The following ALG1L2 variants were observed in gnomAD, a reference collection of about 807,000 sequenced individuals.
ALG1L2 encodes ALG1 chitobiosyldiphosphodolichol beta-mannosyltransferase like 2.
ALG1L2 carries 32 observed loss-of-function variants against 29.0 expected under a neutral mutation model. The ratio of observed to expected loss-of-function variants is 1.10; its 90% CI spans 0.83 to 1.48. The LOEUF (loss-of-function observed/expected upper bound fraction) is 1.48, where lower values mean the gene tolerates loss of function less well. Among genes scored for constraint, ALG1L2 ranks in the 40% most tolerant of loss-of-function variants. ALG1L2 has a pLI of 0.00. For missense variants in ALG1L2, 318 were observed against 274.1 expected, an observed-to-expected ratio of 1.16 and a Z score of -1.13; for synonymous variants, 110 against 109.5, an observed-to-expected ratio of 1.00 and a Z score of -0.03.
intron 4 of ALG1L2, 78 bp from the exon 5 acceptor site, chr3:130,094,325 G>T (rs564038299): frequency 1.6e-5 from 24 of 1,525,102 alleles, no homozygotes; most frequent in Admixed American, 1.0e-4. Flanking sequence ...TCCCTCCTAG[G>T]GGGGAGTGTC....
chr3:130,095,411 TA>T (rs1450285967), intron 5 of ALG1L2, among the ~76,000 whole-genome samples: 13 of 15,990 alleles, frequency 8.1e-4, no homozygotes, highest in East Asian at 2.0e-3. Flanking sequence ...TGCTGTGGTT[TA>T]TTATTATTAT....
chr3:130,091,156 G>A, intron 1 of ALG1L2, 105 bp from the exon 2 acceptor site: 1 of 1,038,912 alleles, frequency 9.6e-7, no homozygotes, highest in South Asian at 1.4e-5. Context: ...AGGTTGTTTT[G>A]CTGAGGATGG....
At chr3:130,083,296 T>C (rs565715885) in intron 1 of ALG1L2, among the ~76,000 whole-genome samples, 3 of 133,886 alleles carry the variant, frequency 2.2e-5, no homozygotes, top group Admixed American at 7.9e-5. Flanking sequence ...ATACAAAAAT[T>C]AGGCCGGTGT....
At chr3:130,086,022 G>A (rs1233260127) in intron 1 of ALG1L2, among the ~76,000 whole-genome samples, 2 of 151,520 alleles carry the variant, frequency 1.3e-5, no homozygotes, top group African/African-American at 4.8e-5. Flanking sequence ...TCATTGCTCT[G>A]CCTGCCTCAC....
chr3:130,083,861 G>A (rs1934837154), intron 1 of ALG1L2, among the ~76,000 whole-genome samples: 2 of 148,932 alleles, frequency 1.3e-5, no homozygotes, highest in Admixed American at 1.4e-4. Context: ...TGTAAAGAGG[G>A]GATTTAGCCA....
chr3:130,097,388 T>G, intron 7 of ALG1L2, 138 bp downstream of exon 7: 1 of 1,381,768 alleles, frequency 7.2e-7, no homozygotes, highest in Non-Finnish European at 9.6e-7. Context: ...GGAGCAGAAG[T>G]CACAGAGGCT....
intron 2 of ALG1L2, chr3:130,091,889 C>G: frequency 1.2e-6 from 1 of 801,376 alleles, no homozygotes; most frequent in Non-Finnish European, 2.1e-6. Context: ...AGGAATTAGT[C>G]AGTCTTGTTT....
intron 1 of ALG1L2, among the ~76,000 whole-genome samples, chr3:130,086,787 A>G (rs1934898827): frequency 1.3e-5 from 2 of 149,630 alleles, no homozygotes; most frequent in African/African-American, 4.8e-5. Flanking sequence ...AAAAGCAGCA[A>G]TGAAAGACCT....
chr3:130,096,119 C>G lies in ALG1L2; in HGVS notation c.495C>G (p.Asp165Glu). The change falls in exon 6 of 8, where the codon GAC becomes GAG. Residue 165 changes from aspartate (D) to glutamate (E), a missense_variant. By Grantham distance (45) the Asp-to-Glu change is conservative. Coordinates refer to ENST00000425059, the MANE Select transcript of ALG1L2 (RefSeq NM_001136152.1). ...TGGACCTGCCCATGAAGGTGGTGGA[C>G]ATGTTCAGGTGCTGTTTGCCTGCGT... ...SGLDLPMKVV[D>E]MFRCCLPACA... 6 of 1,611,978 alleles carry G rather than the reference C, an allele frequency of 3.7e-6. No homozygotes were observed. Among genetic ancestry groups the G allele is most frequent in the Non-Finnish European group, 4.2e-6 (5 of 1,179,858 alleles).
intron 1 of ALG1L2, among the ~76,000 whole-genome samples, chr3:130,087,967 A>C (rs1346992694): frequency 2.0e-5 from 3 of 152,304 alleles, no homozygotes; most frequent in Non-Finnish European, 2.9e-5. Context: ...CAGAATAATA[A>C]GCAGCCAGCT....
intron 3 of ALG1L2, among the ~76,000 whole-genome samples, 193 bp from the exon 4 acceptor site, chr3:130,092,908 T>C (rs1935048158): frequency 6.6e-6 from 1 of 151,592 alleles, no homozygotes; most frequent in African/African-American, 2.4e-5. Flanking sequence ...TGGGCGCCTG[T>C]AATCCCAGCT....
chr3:130,083,900 T>TGG (rs1934837820), intron 1 of ALG1L2, among the ~76,000 whole-genome samples: 2 of 149,368 alleles, frequency 1.3e-5, no homozygotes, highest in Non-Finnish European at 3.0e-5. Flanking sequence ...GTCGTGGGGA[T>TGG]GTGGGGTACA....
chr3:130,097,338 A>G (rs1333378787), intron 7 of ALG1L2, 88 bp downstream of exon 7: 10 of 1,548,086 alleles, frequency 6.5e-6, no homozygotes, highest in Admixed American at 2.0e-5. Context: ...TCACACAGCC[A>G]GGGTGGGACC....
At chr3:130,090,981 C>T (rs1272299863) in intron 1 of ALG1L2, 7 of 427,008 alleles carry the variant, frequency 1.6e-5, no homozygotes, top group Non-Finnish European at 2.6e-5. Context: ...TGTGTCTTAT[C>T]TGTCCTGTTG....
At chr3:130,093,204 G>T in intron 4 of ALG1L2, 44 bp downstream of exon 4, 1 of 1,583,538 alleles carries the variant, frequency 6.3e-7, no homozygotes, top group Non-Finnish European at 8.7e-7. Flanking sequence ...GGGGGATGGT[G>T]GAGGGGGAGG....
chr3:130,090,384 T>C (rs960288875), intron 1 of ALG1L2, among the ~76,000 whole-genome samples: 4 of 152,290 alleles, frequency 2.6e-5, no homozygotes, highest in Non-Finnish European at 4.4e-5. Flanking sequence ...AAAAATAAAT[T>C]GAGGAAGGAT....
At chr3:130,092,895 T>C (rs1935047760) in intron 3 of ALG1L2, among the ~76,000 whole-genome samples, 1 of 151,730 alleles carries the variant, frequency 6.6e-6, no homozygotes, top group African/African-American at 2.4e-5. Flanking sequence ...CTAGGTATGG[T>C]GGTGGGCGCC....
rs1464203171 is a variant in ALG1L2 at position 130,094,404 on chromosome 3, C to T, written c.315C>T (p.Gly105=). Residue 105 remains glycine (G), a splice_region_variant and synonymous_variant, in exon 5 of 8, where the codon GGC becomes GGT. Transcript: ENST00000425059. ...NLPSLVCVIT[G]KGPLREYYSR... Reference sequence around the variant, plus strand: ...CAGTGTCTGCTCTTCTCTGTGAAGGCAAAGGGCCTCTGAGGGAGTATTACA... The same window carrying T: ...CAGTGTCTGCTCTTCTCTGTGAAGGTAAAGGGCCTCTGAGGGAGTATTACA... 1 of 1,595,278 alleles carries T rather than the reference C, an allele frequency of 6.3e-7. No individual in the cohort carries two copies. Among genetic ancestry groups the T allele is most frequent in the African/African-American group, 1.3e-5 (1 of 74,956 alleles).
chr3:130,094,577 C>T (rs1486097707), intron 5 of ALG1L2, 64 bp downstream of exon 5: 9 of 287,076 alleles, frequency 3.1e-5, no homozygotes, highest in African/African-American at 2.0e-4. Flanking sequence ...CAGGGGTGGG[C>T]GGGGTGTACC....
Sources: allele counts gnomAD v4.1 joint callset (sites outside exome capture counted in the v4.1 genomes callset), GRCh38; gene constraint gnomAD v4.1.1; transcripts MANE v1.5; gene names NCBI Gene and HGNC (gene_info 2026-07-23, HGNC 2026-07-21).